The following CDH18 variants were observed in gnomAD, a reference collection of about 807,000 sequenced individuals.
CDH18 encodes cadherin-18.
CDH18 carries 31 observed loss-of-function variants against 67.9 expected under a neutral mutation model. The observed-to-expected ratio is 0.46, with a 90% CI of 0.34 to 0.62. The LOEUF (loss-of-function observed/expected upper bound fraction) is 0.62, where lower values mean the gene tolerates loss of function less well. Ranked by LOEUF, CDH18 falls within the 20% of genes least tolerant of loss-of-function variation. CDH18 has a pLI of 0.01. For missense variants in CDH18, 890 were observed against 975.5 expected (o/e 0.91, Z 1.17); for synonymous variants, 362 against 347.2 (o/e 1.04, Z -0.48).
chr5:20,319,970 C>G (rs1188062944), intron 1 of CDH18, among the ~76,000 whole-genome samples: 1 of 152,108 alleles, frequency 6.6e-6, no homozygotes, highest in Non-Finnish European at 1.5e-5. Context: ...TTTGATATGT[C>G]TGCATGAATT....
At chr5:20,098,286 T>C (rs1299696038) in intron 2 of CDH18, among the ~76,000 whole-genome samples, 2 of 152,102 alleles carry the variant, frequency 1.3e-5, no homozygotes, top group African/African-American at 4.8e-5. Flanking sequence ...CTTCTTTATT[T>C]AAATTTTAAA....
chr5:19,976,325 A>G (rs1191454197), intron 2 of CDH18, among the ~76,000 whole-genome samples: 2 of 152,144 alleles, frequency 1.3e-5, no homozygotes, highest in African/African-American at 4.8e-5. Flanking sequence ...GGCAATCTAC[A>G]TAATTACAGA....
chr5:20,136,255 GC>G (rs2126499753), intron 2 of CDH18, among the ~76,000 whole-genome samples: 1 of 152,240 alleles, frequency 6.6e-6, no homozygotes, highest in African/African-American at 2.4e-5. Flanking sequence ...CTAAGGACTT[GC>G]TTTATGAATC....
chr5:19,894,571 C>T (rs574087709), intron 2 of CDH18, among the ~76,000 whole-genome samples: 2 of 151,964 alleles, frequency 1.3e-5, no homozygotes, highest in Admixed American at 6.6e-5. Flanking sequence ...CCTGTAACAG[C>T]AACTTATTCT....
At chr5:20,092,614 A>C (rs1370078457) in intron 2 of CDH18, among the ~76,000 whole-genome samples, 2 of 152,164 alleles carry the variant, frequency 1.3e-5, no homozygotes, top group Non-Finnish European at 2.9e-5. Flanking sequence ...TATCATGAAA[A>C]TATATATGTG....
intron 1 of CDH18, among the ~76,000 whole-genome samples, chr5:20,316,518 G>A (rs1341090642): frequency 6.6e-6 from 1 of 152,042 alleles, no homozygotes; most frequent in Non-Finnish European, 1.5e-5. Flanking sequence ...AAACACAGTT[G>A]TAATTGAGGC....
intron 6 of CDH18, among the ~76,000 whole-genome samples, chr5:19,592,966 C>T (rs1431417508): frequency 6.6e-6 from 1 of 151,914 alleles, no homozygotes; most frequent in East Asian, 1.9e-4. Flanking sequence ...GTCTACTGTC[C>T]TCAGTAGTCA....
At chr5:19,952,185 G>A (rs1795859617) in intron 2 of CDH18, among the ~76,000 whole-genome samples, 3 of 152,092 alleles carry the variant, frequency 2.0e-5, no homozygotes, top group Admixed American at 2.0e-4. Context: ...AAGTAGCTGG[G>A]ATTACAGGCA....
intron 1 of CDH18, among the ~76,000 whole-genome samples, chr5:20,529,306 G>T (rs1033106514): frequency 2.0e-5 from 3 of 151,412 alleles, no homozygotes; most frequent in Admixed American, 2.0e-4. Flanking sequence ...ATTTACAGCT[G>T]AATTCTACCA....
chr5:20,442,961 G>A lies in CDH18; in HGVS notation c.-580+132501C>T, dbSNP rs565907155. 4.6e-5 allele frequency among the ~76,000 whole-genome samples: 7 copies of A among 151,738 alleles called. No homozygotes were observed. The South Asian group carries it at 1.5e-3, about 31-fold the overall frequency. ...GCGGTGGCTCACGCCTGTAATCCCAGCACTTTGGGAGGCCGAGGCGGGCGG... is the reference window on the plus strand; with the variant it reads ...GCGGTGGCTCACGCCTGTAATCCCAACACTTTGGGAGGCCGAGGCGGGCGG... On this transcript the variant is annotated intron_variant, in intron 1 of 14. Coordinates refer to the CDH18 transcript ENST00000507958.
At chr5:20,075,960 G>A (rs1485098252) in intron 2 of CDH18, among the ~76,000 whole-genome samples, 2 of 152,154 alleles carry the variant, frequency 1.3e-5, no homozygotes, top group Non-Finnish European at 1.5e-5. Flanking sequence ...TTCAGGAGCA[G>A]GATGAGGTAT....
At chr5:19,811,494 C>T (rs1373920640) in intron 3 of CDH18, among the ~76,000 whole-genome samples, 2 of 152,110 alleles carry the variant, frequency 1.3e-5, no homozygotes, top group East Asian at 3.9e-4. Flanking sequence ...CAATCCTGCT[C>T]ACCTCATGAT....
chr5:20,326,698 C>T (rs1456119140), intron 1 of CDH18, among the ~76,000 whole-genome samples: 1 of 151,976 alleles, frequency 6.6e-6, no homozygotes, highest in African/African-American at 2.4e-5. Context: ...GCCACCACAC[C>T]CGGCTAATTT....
At chr5:19,902,464 G>T (rs1328960415) in intron 2 of CDH18, among the ~76,000 whole-genome samples, 3 of 152,130 alleles carry the variant, frequency 2.0e-5, no homozygotes, top group Non-Finnish European at 2.9e-5. Context: ...CTCAAGCTGA[G>T]GGGCTGTGGA....
At chr5:20,303,244 G>A (rs930691971) in intron 1 of CDH18, among the ~76,000 whole-genome samples, 6 of 151,980 alleles carry the variant, frequency 3.9e-5, no homozygotes, top group Non-Finnish European at 8.8e-5. Flanking sequence ...CTTTCATTTC[G>A]TAAGGGTTCA....
chr5:19,677,995 A>C (rs1295687617), intron 5 of CDH18, among the ~76,000 whole-genome samples: 1 of 151,820 alleles, frequency 6.6e-6, no homozygotes, highest in Non-Finnish European at 1.5e-5. Context: ...TTCATAAAGA[A>C]AGTTCTTAGA....
chr5:20,434,482 C>T (rs1481917890), intron 1 of CDH18, among the ~76,000 whole-genome samples: 6 of 151,784 alleles, frequency 4.0e-5, no homozygotes, highest in Admixed American at 1.3e-4. Flanking sequence ...TTGAATAAAA[C>T]GTATTGTGTG....
chr5:20,071,208 C>T (rs1743451037), intron 2 of CDH18, among the ~76,000 whole-genome samples: 1 of 151,892 alleles, frequency 6.6e-6, no homozygotes, highest in African/African-American at 2.4e-5. Context: ...ATGTTTTGTG[C>T]ATCAGTGTAT....
At chr5:20,542,694 A>T (rs558966962) in intron 1 of CDH18, among the ~76,000 whole-genome samples, 1 of 152,034 alleles carries the variant, frequency 6.6e-6, no homozygotes, top group Non-Finnish European at 1.5e-5. Flanking sequence ...TTTTCTCCAC[A>T]TCATTTTACA....
Sources: allele counts gnomAD v4.1 joint callset (sites outside exome capture counted in the v4.1 genomes callset), GRCh38; gene constraint gnomAD v4.1.1; transcripts MANE v1.5; gene names NCBI Gene and HGNC (gene_info 2026-07-23, HGNC 2026-07-21).